PRR5L: variants seen among roughly 807,000 people sequenced by gnomAD.
PRR5L encodes the protein proline rich 5 like.
PRR5L carries 21 observed loss-of-function variants against 36.4 expected under a neutral mutation model. That is an observed-to-expected ratio of 0.58 (90% confidence interval 0.41 to 0.83). The LOEUF (loss-of-function observed/expected upper bound fraction) is 0.83, where lower values mean the gene tolerates loss of function less well. PRR5L is among the 40% of genes least tolerant of loss of function. The pLI is 0.00. For missense variants in PRR5L, 381 were observed against 473.3 expected (o/e 0.80, Z 1.81); for synonymous variants, 188 against 197.0 (o/e 0.95, Z 0.38).
chr11:36,319,018 C>G (rs903354608), intron 1 of PRR5L, among the ~76,000 whole-genome samples: 1 of 152,166 alleles, frequency 6.6e-6, no homozygotes, highest in African/African-American at 2.4e-5. Flanking sequence ...TCCATTAATA[C>G]TCATCACTTT....
intron 4 of PRR5L, among the ~76,000 whole-genome samples, chr11:36,429,724 G>A (rs1205133389): frequency 6.6e-6 from 1 of 152,154 alleles, no homozygotes; most frequent in Admixed American, 6.5e-5. Flanking sequence ...CTAAGGGGAC[G>A]TTCTGAGAAC....
chr11:36,401,312 G>A (rs1857790376), intron 2 of PRR5L, 27 bp downstream of exon 2: 5 of 1,603,748 alleles, frequency 3.1e-6, no homozygotes, highest in Non-Finnish European at 4.2e-6. Flanking sequence ...GATGTGGGGT[G>A]GAGGGCTGCC....
At chr11:36,431,427 A>G (rs1476452574) in intron 4 of PRR5L, among the ~76,000 whole-genome samples, 1 of 152,004 alleles carries the variant, frequency 6.6e-6, no homozygotes, top group Non-Finnish European at 1.5e-5. Context: ...AGTCTCTTTC[A>G]TGCTAGTGTG....
At chr11:36,329,839 C>T (rs1443486635) in intron 1 of PRR5L, among the ~76,000 whole-genome samples, 1 of 152,188 alleles carries the variant, frequency 6.6e-6, no homozygotes, top group African/African-American at 2.4e-5. Context: ...TTTCCTGAGA[C>T]TGCCACAAAA....
intron 1 of PRR5L, among the ~76,000 whole-genome samples, chr11:36,311,409 G>A (rs1485908952): frequency 6.6e-6 from 1 of 152,164 alleles, no homozygotes. Flanking sequence ...GGCTCCTAAT[G>A]GGCCCAGCCA....
intron 1 of PRR5L, among the ~76,000 whole-genome samples, chr11:36,303,599 G>A (rs1331301698): frequency 2.0e-5 from 3 of 152,020 alleles, no homozygotes; most frequent in Non-Finnish European, 2.9e-5. Context: ...ATCCTGACTT[G>A]ACTGGAAAAA....
intron 1 of PRR5L, among the ~76,000 whole-genome samples, chr11:36,347,845 A>G (rs1303176871): frequency 6.6e-6 from 1 of 151,872 alleles, no homozygotes; most frequent in Non-Finnish European, 1.5e-5. Context: ...AGGGGGAAAA[A>G]AGTTCCTATG....
intron 1 of PRR5L, among the ~76,000 whole-genome samples, chr11:36,302,783 C>G (rs1471076368): frequency 6.6e-6 from 1 of 152,046 alleles, no homozygotes; most frequent in Non-Finnish European, 1.5e-5. Context: ...GAGCGAGACT[C>G]TGTCTCAAAA....
At chr11:36,429,531 T>C (rs903301498) in intron 4 of PRR5L, among the ~76,000 whole-genome samples, 6 of 152,132 alleles carry the variant, frequency 3.9e-5, no homozygotes, top group African/African-American at 1.4e-4. Flanking sequence ...TAGATAATTA[T>C]AGTGATAGAA....
chr11:36,441,981 C>T (rs989706964), intron 6 of PRR5L, among the ~76,000 whole-genome samples: 1 of 152,122 alleles, frequency 6.6e-6, no homozygotes, highest in Admixed American at 6.5e-5. Context: ...ATCCCCTGAG[C>T]GTGGCCTCCA....
chr11:36,337,326 C>G (rs4755449), intron 1 of PRR5L, among the ~76,000 whole-genome samples: 2 of 151,984 alleles, frequency 1.3e-5, no homozygotes, highest in African/African-American at 4.8e-5. Context: ...CCGGCTTCTC[C>G]CCTCTTCTGC....
intron 1 of PRR5L, among the ~76,000 whole-genome samples, chr11:36,372,043 G>A (rs542592182): frequency 1.4e-3 from 211 of 152,246 alleles, no homozygotes; most frequent in African/African-American, 4.8e-3. Context: ...GGGTGACAGA[G>A]AGAGATTCCA....
At chr11:36,444,609 G>C (rs1411997628) in intron 6 of PRR5L, among the ~76,000 whole-genome samples, 1 of 152,220 alleles carries the variant, frequency 6.6e-6, no homozygotes, top group Non-Finnish European at 1.5e-5. Flanking sequence ...TAAATAATCA[G>C]TTCTGGAAAG....
intron 1 of PRR5L, among the ~76,000 whole-genome samples, chr11:36,320,363 C>T (rs1856602843): frequency 6.6e-6 from 1 of 151,468 alleles, no homozygotes; most frequent in Non-Finnish European, 1.5e-5. Context: ...CCTGCCTCAG[C>T]CTCCCGAGTA....
intron 3 of PRR5L, among the ~76,000 whole-genome samples, chr11:36,410,593 T>C (rs1858004299): frequency 6.6e-6 from 1 of 152,204 alleles, no homozygotes; most frequent in Admixed American, 6.5e-5. Context: ...CCGAGCATAG[T>C]GTGCCACATA....
At chr11:36,419,498 C>T (rs1858218237) in intron 4 of PRR5L, among the ~76,000 whole-genome samples, 195 bp downstream of exon 4, 1 of 152,214 alleles carries the variant, frequency 6.6e-6, no homozygotes, top group African/African-American at 2.4e-5. Flanking sequence ...ATCACAGTCT[C>T]ATGCAGCAGT....
At chr11:36,345,773 A>G (rs1051280304) in intron 1 of PRR5L, among the ~76,000 whole-genome samples, 6 of 152,198 alleles carry the variant, frequency 3.9e-5, no homozygotes, top group Non-Finnish European at 8.8e-5. Flanking sequence ...AGGTGTGGGT[A>G]GGTCAGGTAA....
Position 36,416,794 on chromosome 11 carries a change from G to C in PRR5L, c.246-2461G>C, listed in dbSNP as rs202080450. On this transcript the variant is annotated intron_variant, in intron 3 of 8. Transcript: ENST00000530639. Reference sequence around the variant, plus strand: ...CTGCTGTGCTTCCACCCTCCCTGTAGAGTGAAGCCCCTTCGTGCCCTCCCT... The same window carrying C: ...CTGCTGTGCTTCCACCCTCCCTGTACAGTGAAGCCCCTTCGTGCCCTCCCT... 1.5e-4 allele frequency among the ~76,000 whole-genome samples: 22 copies of C among 149,182 alleles called. No homozygotes were observed. In the East Asian group the frequency reaches 4.4e-3, roughly 30 times the overall value.
chr11:36,413,418 G>A (rs565434558), intron 3 of PRR5L, among the ~76,000 whole-genome samples: 3 of 152,204 alleles, frequency 2.0e-5, no homozygotes, highest in South Asian at 2.1e-4. Flanking sequence ...GCCATGCTGC[G>A]GTAACCTTGG....
Sources: gnomAD v4.1 joint callset for allele counts (sites outside exome capture counted in the v4.1 genomes callset) on GRCh38, gnomAD v4.1.1 for gene constraint, MANE v1.5 for transcripts, NCBI Gene and HGNC (gene_info 2026-07-23, HGNC 2026-07-21) for gene names.